The following TBL1XR1 variants were observed in gnomAD, a reference collection of about 807,000 sequenced individuals.
TBL1XR1 encodes the protein F-box-like/WD repeat-containing protein TBL1XR1.
In TBL1XR1, 5 loss-of-function variants were observed where a neutral mutation model predicts 66.9. That is an observed-to-expected ratio of 0.07 (90% confidence interval 0.04 to 0.16). TBL1XR1 has a LOEUF of 0.16. Ranked by LOEUF, TBL1XR1 falls within the 10% of genes least tolerant of loss-of-function variation. The pLI is 1.00. For missense variants in TBL1XR1, 238 were observed against 623.2 expected (o/e 0.38, Z 6.58); for synonymous variants, 210 against 206.0 (o/e 1.02, Z -0.17).
intron 1 of TBL1XR1, among the ~76,000 whole-genome samples, chr3:177,146,328 C>CCA (rs1158121039): frequency 6.6e-6 from 1 of 151,758 alleles, no homozygotes; most frequent in Non-Finnish European, 1.5e-5. Context: ...CTCTTGTTGC[C>CCA]CACGCTGGAG....
rs149241873 is a variant in TBL1XR1 at position 177,042,052 on chromosome 3, A to C, written c.926-3618T>G. Reference sequence around the variant, plus strand: ...CCTCTGCAAATATTTCTTTGTATTAAATTCCCTTTATTGGAGTGTCTAGTT... The same window carrying C: ...CCTCTGCAAATATTTCTTTGTATTACATTCCCTTTATTGGAGTGTCTAGTT... On this transcript the variant is annotated intron_variant, in intron 10 of 15. Transcript: ENST00000457928. Among the ~76,000 whole-genome samples the C allele has an allele frequency of 1.1e-4, 17 of 152,198 alleles. No individual in the cohort carries two copies. The East Asian group carries it at 3.3e-3, about 29-fold the overall frequency.
chr3:177,198,509 A>C (rs1737215854), upstream of TBL1XR1, among the ~76,000 whole-genome samples: 2 of 152,206 alleles, frequency 1.3e-5, no homozygotes, highest in African/African-American at 4.8e-5. Flanking sequence ...ATGAGTGATA[A>C]TGTGGCAGTA....
chr3:177,045,219 C>A (rs1401511651), intron 10 of TBL1XR1, among the ~76,000 whole-genome samples: 1 of 152,064 alleles, frequency 6.6e-6, no homozygotes, highest in Non-Finnish European at 1.5e-5. Flanking sequence ...AAAAGGATGT[C>A]ATCAAAGATT....
At chr3:177,077,770 G>A (rs1707316780) in intron 2 of TBL1XR1, among the ~76,000 whole-genome samples, 1 of 152,126 alleles carries the variant, frequency 6.6e-6, no homozygotes, top group African/African-American at 2.4e-5. Flanking sequence ...ATCTCTTTAT[G>A]ATACCTATTC....
At chr3:177,047,633 G>A (rs753399478) in intron 7 of TBL1XR1, 84 bp from the exon 8 acceptor site, 95 of 1,435,138 alleles carry the variant, frequency 6.6e-5, no homozygotes, top group Non-Finnish European at 8.5e-5. Flanking sequence ...TTAAATCCCA[G>A]GTACAGAAGA....
In TBL1XR1 at chr3:177,147,361, G is replaced by A. The variant is rs942361278; in HGVS notation, c.-121-48820C>T. ...ACGATGCCCGACCAAGTAAAACTTC[G>A]TTTACTATAAATATGTGGTGATGGT... On this transcript the variant is annotated intron_variant, in intron 1 of 15. Transcript: ENST00000457928. Among the ~76,000 whole-genome samples, 24 of 152,204 alleles carry A rather than the reference G, an allele frequency of 1.6e-4. 1 individual carries two copies. In the South Asian group the frequency reaches 2.5e-3, roughly 16 times the overall value.
chr3:177,155,223 G>A (rs151206017), intron 1 of TBL1XR1, among the ~76,000 whole-genome samples: 153 of 152,274 alleles, frequency 1.0e-3, no homozygotes, highest in African/African-American at 3.5e-3. Context: ...TAATATCAAT[G>A]CAACAGAAAA....
intron 5 of TBL1XR1, 140 bp from the exon 6 acceptor site, chr3:177,050,750 T>C: frequency 1.2e-6 from 1 of 843,086 alleles, no homozygotes; most frequent in South Asian, 1.9e-5. Flanking sequence ...AAGCTGAACA[T>C]GACTACACAG....
intron 14 of TBL1XR1, among the ~76,000 whole-genome samples, chr3:177,030,114 G>C (rs1181235910): frequency 1.4e-5 from 2 of 146,376 alleles, no homozygotes; most frequent in Non-Finnish European, 3.0e-5. Context: ...GTATGTGTGT[G>C]TGTGTGTATA....
At chr3:177,187,835 C>A (rs778307593) in intron 1 of TBL1XR1, among the ~76,000 whole-genome samples, 3 of 140,672 alleles carry the variant, frequency 2.1e-5, no homozygotes, top group Non-Finnish European at 4.7e-5. Context: ...TAGACTGACA[C>A]CTAGTTTATT....
chr3:177,095,240 G>A (rs371997181), intron 2 of TBL1XR1, among the ~76,000 whole-genome samples: 12 of 151,956 alleles, frequency 7.9e-5, no homozygotes, highest in African/African-American at 4.8e-5. Context: ...ACTCGCAGGC[G>A]GGTAGGAGAG....
At chr3:177,073,108 A>AT (rs1193615392) in intron 2 of TBL1XR1, among the ~76,000 whole-genome samples, 14 of 152,328 alleles carry the variant, frequency 9.2e-5, no homozygotes, top group Middle Eastern at 3.4e-3. Context: ...CAAAATTTCC[A>AT]TTTTAATATC....
At chr3:177,186,412 A>G (rs1040023818) in intron 1 of TBL1XR1, among the ~76,000 whole-genome samples, 12 of 150,074 alleles carry the variant, frequency 8.0e-5, no homozygotes, top group Admixed American at 6.6e-5. Flanking sequence ...GCAGAAAAAG[A>G]AAAGATAAAT....
At chr3:177,052,330 C>A (rs1717203300) in intron 4 of TBL1XR1, among the ~76,000 whole-genome samples, 1 of 152,130 alleles carries the variant, frequency 6.6e-6, no homozygotes, top group Admixed American at 6.5e-5. Context: ...CAGAACAAGT[C>A]AGAAATACAA....
At chr3:177,187,699 T>C (rs1296358987) in intron 1 of TBL1XR1, among the ~76,000 whole-genome samples, 2 of 152,032 alleles carry the variant, frequency 1.3e-5, no homozygotes, top group Non-Finnish European at 2.9e-5. Context: ...CTCTTTACAA[T>C]GTCCCGCTCT....
At chr3:177,036,746 A>G (rs908932828) in intron 12 of TBL1XR1, among the ~76,000 whole-genome samples, 1 of 152,238 alleles carries the variant, frequency 6.6e-6, no homozygotes, top group African/African-American at 2.4e-5. Context: ...TACTTAAAGG[A>G]GAAAACCTCA....
intron 1 of TBL1XR1, among the ~76,000 whole-genome samples, chr3:177,117,873 A>T (rs907207686): frequency 6.6e-6 from 1 of 152,186 alleles, no homozygotes; most frequent in Non-Finnish European, 1.5e-5. Context: ...GAAGGAAAAA[A>T]GGTGAATGTC....
intron 1 of TBL1XR1, among the ~76,000 whole-genome samples, chr3:177,117,560 C>G (rs1358975842): frequency 6.6e-6 from 1 of 152,176 alleles, no homozygotes; most frequent in African/African-American, 2.4e-5. Context: ...TTATAGGCAG[C>G]ATAAGCTCTC....
chr3:177,072,784 C>G (rs2108572270), intron 2 of TBL1XR1, among the ~76,000 whole-genome samples: 1 of 152,332 alleles, frequency 6.6e-6, no homozygotes. Flanking sequence ...AATGAAATGG[C>G]CAGGCGCAGT....
Sources: allele counts gnomAD v4.1 joint callset (sites outside exome capture counted in the v4.1 genomes callset), GRCh38; gene constraint gnomAD v4.1.1; transcripts MANE v1.5; gene names NCBI Gene and HGNC (gene_info 2026-07-23, HGNC 2026-07-21).